Variants in TULP2 observed in about 807,000 individuals in gnomAD.
TULP2 encodes tubby-related protein 2.
TULP2 carries 64 observed loss-of-function variants against 60.3 expected under a neutral mutation model. The observed-to-expected ratio is 1.06, with a 90% CI of 0.87 to 1.31. The LOEUF is 1.31. Ranked by LOEUF, TULP2 falls within the 50% of genes most tolerant of loss-of-function variation. The pLI is 0.00. For synonymous variants in TULP2, 267 were observed against 265.4 expected (o/e 1.01, Z -0.06); for missense variants, 652 against 667.0 (o/e 0.98, Z 0.25).
At chr19:48,887,058 T>C (rs2037186067) in intron 8 of TULP2, among the ~76,000 whole-genome samples, 1 of 146,898 alleles carries the variant, frequency 6.8e-6, no homozygotes, top group Non-Finnish European at 1.5e-5. Context: ...TCACCCAGGC[T>C]GGAGTGCAGT....
At position 48,885,560 on chromosome 19, in the gene TULP2, G is replaced by A. The variant is rs1389582516; in HGVS notation, c.949C>T (p.Arg317Cys). 5 of 1,613,280 alleles carry A rather than the reference G, an allele frequency of 3.1e-6. No individual in the cohort carries two copies. Among genetic ancestry groups the A allele is most frequent in the Non-Finnish European group, 3.4e-6 (4 of 1,179,472 alleles). Residue 317 changes from arginine to cysteine, a missense_variant and splice_region_variant, in exon 9 of 13, where the codon CGC (arginine) becomes TGC (cysteine). Coordinates refer to ENST00000221399, the MANE Select transcript of TULP2 (RefSeq NM_003323.3). ...LYLETSDSLQ[R>C]FLLAGRKRRR... is the part of the protein sequence containing the mutation. ...CTCTTTCGCCCAGCCAGGAGGAAGC[G>A]CTATGGATGAGAGGAACAGTCCATT... is the stretch of plus-strand genomic sequence containing the variant.
chr19:48,897,258 A>G lies in TULP2; in HGVS notation c.84+87T>C. On this transcript the variant is annotated intron_variant, in intron 3 of 12. Transcript: ENST00000221399. This position sits in a 1 kb window ranked among gnomAD's most constrained non-coding sequence, Gnocchi z 4.0. ...TGAGAGACAGCCAACACGGGCTGGGAGTCCTAGAGCAAGACCTGGTGGAGA... is the reference window on the plus strand; with the variant it reads ...TGAGAGACAGCCAACACGGGCTGGGGGTCCTAGAGCAAGACCTGGTGGAGA... The G allele has an allele frequency of 7.1e-7, 1 of 1,410,128 alleles. No individual in the cohort carries two copies. Among genetic ancestry groups the G allele is most frequent in the Non-Finnish European group, 9.9e-7 (1 of 1,008,066 alleles). 87.4% of individuals were successfully genotyped at this position (1,410,128 alleles called of 1,614,324 possible).
chr19:48,886,178 C>A (rs34908240), intron 8 of TULP2, among the ~76,000 whole-genome samples: 2 of 151,734 alleles, frequency 1.3e-5, no homozygotes, highest in Admixed American at 6.6e-5. Flanking sequence ...TGGTGGCGGG[C>A]GCCTGTAGTC....
chr19:48,896,278 C>T (rs2037280300), intron 4 of TULP2, 152 bp downstream of exon 4: 7 of 1,158,686 alleles, frequency 6.0e-6, no homozygotes, highest in Non-Finnish European at 4.7e-6. Context: ...CGCCCACAGG[C>T]CCTGTTCTAA....
intron 7 of TULP2, 23 bp downstream of exon 7, chr19:48,889,487 T>A: frequency 1.9e-6 from 3 of 1,568,934 alleles, no homozygotes; most frequent in Non-Finnish European, 2.6e-6. Context: ...TCCAATATCC[T>A]GAGTGATTGT....
chr19:48,889,177 C>CA (rs2037210228), intron 7 of TULP2, among the ~76,000 whole-genome samples: 1 of 149,542 alleles, frequency 6.7e-6, no homozygotes, highest in African/African-American at 2.5e-5. Flanking sequence ...GGTTTCACCA[C>CA]GTTGGCCAGG....
chr19:48,884,086 T>G (rs1380555581), intron 9 of TULP2, 40 bp from the exon 10 acceptor site: 2 of 1,534,544 alleles, frequency 1.3e-6, no homozygotes, highest in Non-Finnish European at 9.0e-7. Flanking sequence ...AAATACTAAG[T>G]GTTACTCTTT....
chr19:48,888,371 C>T lies in TULP2; in HGVS notation c.637-110G>A, dbSNP rs998161032. On this transcript the variant is annotated intron_variant, in intron 7 of 12. Coordinates refer to ENST00000221399, the MANE Select transcript of TULP2 (RefSeq NM_003323.3). ...TCCCGCCCTTGCCCATCCACATTTT[C>T]TGCTTATTGGTCAAAAATCTCATTC... is the stretch of plus-strand genomic sequence containing the variant. 14 of 1,154,088 alleles carry T rather than the reference C, an allele frequency of 1.2e-5. No homozygotes were observed. In the African/African-American group the frequency reaches 2.2e-4, roughly 18 times the overall value. The allele number at this position is 1,154,088 out of a possible 1,614,324, so 71.5% of individuals were successfully genotyped here.
chr19:48,894,944 T>C (rs1258102618), intron 6 of TULP2, 54 bp downstream of exon 6: 2 of 1,562,116 alleles, frequency 1.3e-6, no homozygotes, highest in Non-Finnish European at 1.7e-6. Flanking sequence ...AAGGGGAAGA[T>C]TTGCTGCATG....
In TULP2 at chr19:48,896,528, T is replaced by C. The variant is rs1178749854; in HGVS notation, c.113A>G (p.Gln38Arg). The C allele has an allele frequency of 6.2e-7, 1 of 1,603,636 alleles. No homozygotes were observed. ...AACCATGAGGAGCTCCTGGCGCTTC[T>C]GTCGCTGCTTCTTTTCAAACAGCCG... ...QRRLFEKKQR[Q>R]KRQELLMVQA... The change falls in exon 4 of 13, where the codon CAG becomes CGG. Residue 38 changes from glutamine to arginine, a missense_variant. Gln to Arg is a conservative substitution (Grantham distance 43). Coordinates refer to ENST00000221399, the MANE Select transcript of TULP2 (RefSeq NM_003323.3).
At position 48,895,347 on chromosome 19, in the gene TULP2, T is replaced by A. The variant is rs148229512; in HGVS notation, c.349+19A>T. 1.8e-3 allele frequency: 2,862 copies of A among 1,611,848 alleles called. 36 individuals are homozygous for A. In the East Asian group the frequency reaches 0.021, roughly 12 times the overall value. ...GGACGGAGTTCTGGGGTCTAGGAGG[T>A]CGGTGGACTCGCAAATACCTGCTTC... On this transcript the variant is annotated intron_variant, in intron 5 of 12. Coordinates refer to ENST00000221399, the MANE Select transcript of TULP2 (RefSeq NM_003323.3).
In TULP2 at chr19:48,897,767, G is replaced by T; in HGVS notation, c.32+70C>A. ...CTGAACCTGCAAACATGGTTATGAA[G>T]CCAGAGCCGAGTGCACGGGGTCCCC... On this transcript the variant is annotated intron_variant, in intron 2 of 12. Coordinates refer to ENST00000221399, the MANE Select transcript of TULP2 (RefSeq NM_003323.3). The surrounding 1 kb of genome is among the most constrained non-coding windows in gnomAD (Gnocchi z 4.0). The T allele has an allele frequency of 6.5e-7, 1 of 1,527,084 alleles. No homozygotes were observed. The highest frequency in any genetic ancestry group is 9.1e-7 in the Non-Finnish European group (1 of 1,102,050). The allele number at this position is 1,527,084 out of a possible 1,614,324, so 94.6% of individuals were successfully genotyped here. A position where few individuals can be genotyped will look rare whatever the true frequency, so the allele number is the denominator to read the frequency against.
At chr19:48,884,155 G>T in intron 9 of TULP2, 109 bp from the exon 10 acceptor site, 1 of 862,894 alleles carries the variant, frequency 1.2e-6, no homozygotes, top group Non-Finnish European at 1.8e-6. Context: ...CTAAGACTAT[G>T]TCCGAATGTC....
chr19:48,897,268 C>G lies in TULP2; in HGVS notation c.84+77G>C. ...CCAACACGGGCTGGGAGTCCTAGAG[C>G]AAGACCTGGTGGAGAGGCCCCTGGG... On this transcript the variant is annotated intron_variant, in intron 3 of 12. Coordinates refer to ENST00000221399, the MANE Select transcript of TULP2 (RefSeq NM_003323.3). The surrounding 1 kb of genome is among the most constrained non-coding windows in gnomAD (Gnocchi z 4.0). The G allele has an allele frequency of 6.6e-7, 1 of 1,513,374 alleles. No homozygotes were observed. The highest frequency in any genetic ancestry group is 9.1e-7 in the Non-Finnish European group (1 of 1,098,832). The allele number at this position is 1,513,374 out of a possible 1,614,324, so 93.7% of individuals were successfully genotyped here.
chr19:48,880,978 T>G lies in TULP2; in HGVS notation c.*33A>C. 1 of 1,561,656 alleles carries G rather than the reference T, an allele frequency of 6.4e-7. No individual in the cohort carries two copies. Among genetic ancestry groups the G allele is most frequent in the Non-Finnish European group, 8.8e-7 (1 of 1,133,246 alleles). On this transcript the variant is annotated 3_prime_UTR_variant, in exon 13 of 13. Transcript: ENST00000221399. Reference sequence around the variant, plus strand: ...GGAGGCACAGAAGCTGGCAAGGGTATGGTATTTTATTGAGTTATTCAACAG... The same window carrying G: ...GGAGGCACAGAAGCTGGCAAGGGTAGGGTATTTTATTGAGTTATTCAACAG...
intron 9 of TULP2, among the ~76,000 whole-genome samples, chr19:48,884,510 C>T (rs1285495835): frequency 1.3e-5 from 2 of 151,862 alleles, no homozygotes; most frequent in Non-Finnish European, 2.9e-5. Context: ...GTGGCTCACA[C>T]CTGTAATCCC....
At chr19:48,887,365 C>T (rs2037190848) in intron 8 of TULP2, among the ~76,000 whole-genome samples, 1 of 107,628 alleles carries the variant, frequency 9.3e-6, no homozygotes, top group South Asian at 3.2e-4. Context: ...AACTCTGTCG[C>T]CCAGGCTGGA....
chr19:48,882,245 C>T (rs1435117184), intron 11 of TULP2, 42 bp from the exon 12 acceptor site: 8 of 1,610,380 alleles, frequency 5.0e-6, no homozygotes, highest in East Asian at 2.2e-5. Flanking sequence ...CAGAGGCTTT[C>T]GAAACTCCAT....
Position 48,888,074 on chromosome 19 carries a change from T to A in TULP2, c.824A>T (p.Tyr275Phe). The change falls in exon 8 of 13, where the codon TAC becomes TTC. Residue 275 changes from tyrosine (Y) to phenylalanine (F), a missense_variant. Coordinates refer to ENST00000221399, the MANE Select transcript of TULP2 (RefSeq NM_003323.3). Reference protein sequence around the residue: ...CPGLEEDMEAYVLRPALPGTM... With the variant: ...CPGLEEDMEAFVLRPALPGTM... ...GCCCGGGAGCGCTGGCCGCAGCACGTAGGCTTCCATGTCCTCCTCCAGCCC... is the reference window on the plus strand; with the variant it reads ...GCCCGGGAGCGCTGGCCGCAGCACGAAGGCTTCCATGTCCTCCTCCAGCCC... 2 of 1,614,176 alleles carry A rather than the reference T, an allele frequency of 1.2e-6. No individual in the cohort carries two copies. The highest frequency in any genetic ancestry group is 1.7e-6 in the Non-Finnish European group (2 of 1,180,014).
Sources: gnomAD v4.1 joint callset for allele counts (sites outside exome capture counted in the v4.1 genomes callset) on GRCh38, gnomAD v4.1.1 for gene constraint, Gnocchi (gnomAD v3.1) non-coding constraint, MANE v1.5 for transcripts, NCBI Gene and HGNC (gene_info 2026-07-23, HGNC 2026-07-21) for gene names.